Variants in P4HTM observed in about 807,000 individuals in gnomAD.
The protein encoded by P4HTM is prolyl 4-hydroxylase, transmembrane, also known as transmembrane prolyl 4-hydroxylase.
P4HTM carries 33 observed loss-of-function variants against 55.3 expected under a neutral mutation model. The ratio of observed to expected loss-of-function variants is 0.60; its 90% CI spans 0.45 to 0.80. The LOEUF is 0.80. P4HTM is among the 30% of genes least tolerant of loss of function. P4HTM has a pLI of 0.00. For synonymous variants in P4HTM, 272 were observed against 286.4 expected, an observed-to-expected ratio of 0.95 and a Z score of 0.51; for missense variants, 542 against 696.5, an observed-to-expected ratio of 0.78 and a Z score of 2.50.
intron 2 of P4HTM, among the ~76,000 whole-genome samples, chr3:48,996,947 T>C (rs1313285183): frequency 2.6e-5 from 4 of 152,174 alleles, no homozygotes; most frequent in African/African-American, 9.7e-5. Flanking sequence ...TGGTTTTCCC[T>C]ACCCAGCATA....
At chr3:48,992,281 T>G (rs2092933057) in intron 2 of P4HTM, 1 of 152,100 alleles carries the variant, frequency 6.6e-6, no homozygotes, top group Admixed American at 6.5e-5. Context: ...TAAGGCAGAT[T>G]TTTTTTCTTT....
At chr3:49,005,197 C>A in intron 6 of P4HTM, 151 bp downstream of exon 6, 1 of 1,577,512 alleles carries the variant, frequency 6.3e-7, no homozygotes, top group Non-Finnish European at 8.6e-7. Flanking sequence ...CCTCTCCCCA[C>A]AAGTTGTTTA....
At chr3:48,993,381 C>CCAGG (rs1447618078) in intron 2 of P4HTM, among the ~76,000 whole-genome samples, 12 of 151,928 alleles carry the variant, frequency 7.9e-5, no homozygotes, top group African/African-American at 2.9e-4. Flanking sequence ...AAAGAGGGGT[C>CCAGG]CAGGAAGGAA....
chr3:48,993,172 C>G (rs1177577671), intron 2 of P4HTM, among the ~76,000 whole-genome samples: 2 of 151,926 alleles, frequency 1.3e-5, no homozygotes, highest in African/African-American at 4.8e-5. Flanking sequence ...CGTTGTGGCA[C>G]ATGCCTGTAA....
chr3:48,999,464 C>T lies in P4HTM; in HGVS notation c.437-1974C>T, dbSNP rs1413595544. On this transcript the variant is annotated intron_variant, in intron 2 of 8. Transcript: ENST00000383729. The surrounding 1 kb of genome is among the most constrained non-coding windows in gnomAD (Gnocchi z 4.8). The stretch of plus-strand genomic sequence containing the variant: ...TGCACCTCATGCAGCCCCAGGGAGC[C>T]CCTGACCCTGCTGTCATCCCACAGC... 1 of 167,466 alleles carries T rather than the reference C, an allele frequency of 6.0e-6. No individual in the cohort carries two copies. The highest frequency in any genetic ancestry group is 2.4e-5 in the African/African-American group (1 of 41,476). 10.4% of individuals were successfully genotyped at this position (167,466 alleles called of 1,614,324 possible). A position where few individuals can be genotyped will look rare whatever the true frequency, so the allele number is the denominator to read the frequency against.
chr3:48,997,249 C>G (rs115633731), intron 2 of P4HTM: 3 of 152,240 alleles, frequency 2.0e-5, no homozygotes, highest in Non-Finnish European at 4.4e-5. Flanking sequence ...GTGCCAATGG[C>G]GCACAGCCAG....
Position 48,990,688 on chromosome 3 carries a change from C to T in P4HTM, c.354+78C>T. ...GAGGACCGGCGCTCAGCCCGGGTCCCCACGCTGCCCCCGGCGCTGCTCTGC... is the reference window on the plus strand; with the variant it reads ...GAGGACCGGCGCTCAGCCCGGGTCCTCACGCTGCCCCCGGCGCTGCTCTGC... On this transcript the variant is annotated intron_variant, in intron 1 of 8. Coordinates refer to ENST00000383729, the MANE Select transcript of P4HTM (RefSeq NM_177939.3). This position sits in a 1 kb window ranked among gnomAD's most constrained non-coding sequence, Gnocchi z 7.2. The T allele has an allele frequency of 6.8e-7, 1 of 1,461,540 alleles. No individual in the cohort carries two copies. The highest frequency in any genetic ancestry group is 9.1e-7 in the Non-Finnish European group (1 of 1,099,160). 90.5% of individuals were successfully genotyped at this position (1,461,540 alleles called of 1,614,324 possible).
In P4HTM at chr3:48,990,557, G is replaced by A. The variant is rs934253404; in HGVS notation, c.301G>A (p.Gly101Ser). 3 of 1,609,142 alleles carry A rather than the reference G, an allele frequency of 1.9e-6. No individual in the cohort carries two copies. The highest frequency in any genetic ancestry group is 2.5e-6 in the Non-Finnish European group (3 of 1,178,652). The change falls in exon 1 of 9, where the codon GGC (glycine) becomes AGC (serine). Residue 101 changes from glycine (G) to serine (S), a missense_variant. Physicochemically the swap from Gly to Ser is moderately conservative, Grantham distance 56. This residue lies in a region of P4HTM where 536 missense variants were observed against 672.1 expected (regional missense o/e 0.80). Coordinates refer to ENST00000383729, the MANE Select transcript of P4HTM (RefSeq NM_177939.3). This position sits in a 1 kb window ranked among gnomAD's most constrained non-coding sequence, Gnocchi z 7.2. Reference protein sequence around the residue: ...SDPGPQHRAQGPGPEPTLGPL... With the variant: ...SDPGPQHRAQSPGPEPTLGPL... ...TCCCGGGCCCCAACACCGTGCCCAG[G>A]GCCCCGGGCCCGAGCCCACCTTAGG...
chr3:49,005,334 C>A lies in P4HTM; in HGVS notation c.1073+288C>A, dbSNP rs1368498235. The A allele has an allele frequency of 2.1e-6, 3 of 1,429,486 alleles. No individual in the cohort carries two copies. The African/African-American group carries it at 4.3e-5, about 21-fold the overall frequency. The allele number at this position is 1,429,486 out of a possible 1,614,324, so 88.6% of individuals were successfully genotyped here. A position where few individuals can be genotyped will look rare whatever the true frequency, so the allele number is the denominator to read the frequency against. On this transcript the variant is annotated intron_variant, in intron 6 of 8. Coordinates refer to ENST00000383729, the MANE Select transcript of P4HTM (RefSeq NM_177939.3). ...GCAAGGGGCAAGGCTGGGCCCCTAG[C>A]TTGTCCTGCCCATTCCTCCAGGTGT... is the stretch of plus-strand genomic sequence containing the variant.
At position 48,990,441 on chromosome 3, in the gene P4HTM, T is replaced by C; in HGVS notation, c.185T>C (p.Leu62Pro). The C allele has an allele frequency of 6.2e-7, 1 of 1,609,056 alleles. No homozygotes were observed. Among genetic ancestry groups the C allele is most frequent in the Non-Finnish European group, 8.5e-7 (1 of 1,178,766 alleles). Residue 62 changes from leucine (L) to proline (P), a missense_variant, in exon 1 of 9, where the codon CTG (leucine) becomes CCG (proline). Leu to Pro is a moderately conservative substitution (Grantham distance 98). Coordinates refer to ENST00000383729, the MANE Select transcript of P4HTM (RefSeq NM_177939.3). This position sits in a 1 kb window ranked among gnomAD's most constrained non-coding sequence, Gnocchi z 7.2. Reference protein sequence around the residue: ...PRGICSRAYFLVLMVFVHLYL... With the variant: ...PRGICSRAYFPVLMVFVHLYL... ...GGCATCTGCTCGCGCGCCTACTTCC[T>C]GGTGCTGATGGTGTTCGTGCACCTG...
In P4HTM at chr3:49,004,237, C is replaced by T. The variant is rs1419185900; in HGVS notation, c.864C>T (p.His288=). ...TWLYQGEGAH[H]IMRAIRQRVL... is the part of the protein sequence containing the mutation. Reference sequence around the variant, plus strand: ...TCTACCAGGGTGAGGGTGCCCACCACATCATGCGTGCCATCCGCCAGAGGT... The same window carrying T: ...TCTACCAGGGTGAGGGTGCCCACCATATCATGCGTGCCATCCGCCAGAGGT... The change falls in exon 5 of 9, where the codon CAC becomes CAT. Residue 288 remains histidine (H), a synonymous_variant. Transcript: ENST00000383729. 1 of 1,548,592 alleles carries T rather than the reference C, an allele frequency of 6.5e-7. No homozygotes were observed. Among genetic ancestry groups the T allele is most frequent in the South Asian group, 1.2e-5 (1 of 83,932 alleles).
intron 2 of P4HTM, chr3:48,991,653 TG>T (rs906823169): frequency 5.9e-5 from 9 of 152,168 alleles, no homozygotes; most frequent in African/African-American, 2.2e-4. Context: ...GTTACTTCAG[TG>T]GTGAAGCTAG....
rs1055053558 is a variant in P4HTM at position 48,991,005 on chromosome 3, A to C, written c.436+91A>C. On this transcript the variant is annotated intron_variant, in intron 2 of 8. Coordinates refer to ENST00000383729, the MANE Select transcript of P4HTM (RefSeq NM_177939.3). The stretch of plus-strand genomic sequence containing the variant: ...TTGTGACCACGTGACCTCTATTTTG[A>C]AAATGGCTGCTTCAGAGCAGCCCTT... 3.2e-5 allele frequency: 30 copies of C among 948,790 alleles called. 1 individual carries two copies. In the East Asian group the frequency reaches 7.3e-4, roughly 23 times the overall value. 58.8% of individuals were successfully genotyped at this position (948,790 alleles called of 1,614,324 possible).
rs772731122 is a variant in P4HTM, at chr3:49,001,623, C to T, written c.622C>T (p.Arg208Cys). ...GAACCGTGATGGGCACCTTCAGCTC[C>T]GTGAGGTTGGAATCCTGGGACCTGA... ...DQNRDGHLQL[R>C]EVLAQTRLGN... The change falls in exon 3 of 9, where the codon CGT becomes TGT. Residue 208 changes from arginine to cysteine, a missense_variant. Transcript: ENST00000383729. 1.6e-5 allele frequency: 26 copies of T among 1,609,194 alleles called. No homozygotes were observed. The highest frequency in any genetic ancestry group is 1.5e-4 in the African/African-American group (11 of 74,838).
chr3:49,006,063 G>A lies in P4HTM; in HGVS notation c.1165-1G>A. 2 of 1,611,194 alleles carry A rather than the reference G, an allele frequency of 1.2e-6. No homozygotes were observed. The highest frequency in any genetic ancestry group is 1.7e-6 in the Non-Finnish European group (2 of 1,178,454). On this transcript the variant is annotated splice_acceptor_variant, in intron 7 of 8. Transcript: ENST00000383729. LOFTEE classifies it high-confidence loss of function. The stretch of plus-strand genomic sequence containing the variant: ...ACACCCCACCACCCTGCTGCCCACA[G>A]AGTCTGATTCAGGATGACGTGGACC...
intron 2 of P4HTM, 30 bp from the exon 3 acceptor site, chr3:49,001,408 C>T: frequency 6.2e-7 from 1 of 1,612,054 alleles, no homozygotes; most frequent in Non-Finnish European, 8.5e-7. Context: ...TGGCTCAGTC[C>T]TTGGCCTCAC....
rs145912507 is a variant in P4HTM, at chr3:48,994,232, A to G, written c.436+3318A>G. Among the ~76,000 whole-genome samples, 18 of 152,294 alleles carry G rather than the reference A, an allele frequency of 1.2e-4. No homozygotes were observed. The East Asian group carries it at 2.5e-3, about 21-fold the overall frequency. On this transcript the variant is annotated intron_variant, in intron 2 of 8. Transcript: ENST00000383729. ...TATTCTAAATGGGCAAGCAGGGCCC[A>G]AGAAGAGTGGACCTGCTATAGATTC...
upstream of P4HTM, chr3:48,990,179 G>A: frequency 9.2e-7 from 1 of 1,088,998 alleles, no homozygotes; most frequent in Non-Finnish European, 1.1e-6. This position sits in a 1 kb window ranked among gnomAD's most constrained non-coding sequence, Gnocchi z 7.2. Flanking sequence ...CGCGGGCCTG[G>A]CGGCCGTTGT....
chr3:49,005,414 C>T, intron 6 of P4HTM: 2 of 1,399,520 alleles, frequency 1.4e-6, no homozygotes, highest in Non-Finnish European at 1.8e-6. Context: ...CCTGTCAAGC[C>T]AGTTCTTTCC....
Sources: gnomAD v4.1 joint callset for allele counts (sites outside exome capture counted in the v4.1 genomes callset) on GRCh38, gnomAD v4.1.1 for gene constraint, gnomAD v4.1.1 regional missense constraint, Gnocchi (gnomAD v3.1) non-coding constraint, MANE v1.5 for transcripts, NCBI Gene and HGNC (gene_info 2026-07-23, HGNC 2026-07-21) for gene names.